Variants in UTY observed in about 807,000 individuals in gnomAD.
UTY encodes the protein ubiquitously transcribed tetratricopeptide repeat containing, Y-linked.
A neutral mutation model predicts 32.5 loss-of-function variants in UTY; 12 were observed. The observed-to-expected ratio is 0.37, with a 90% CI of 0.24 to 0.60. The LOEUF is 0.60. UTY is among the 20% of genes least tolerant of loss of function. The pLI is 0.69. For missense variants in UTY, 303 were observed against 299.2 expected, an observed-to-expected ratio of 1.01 and a Z score of -0.09; for synonymous variants, 131 against 103.4, an observed-to-expected ratio of 1.27 and a Z score of -1.62.
intron 8 of UTY, among the ~76,000 whole-genome samples, chrY:13,379,689 G>GT (rs2065795700): frequency 6.6e-5 from 2 of 30,256 alleles, no homozygotes; most frequent in Non-Finnish European, 1.6e-4. Flanking sequence ...AAATTTCTGA[G>GT]TTTTACCTCC....
intron 4 of UTY, among the ~76,000 whole-genome samples, chrY:13,445,244 AATATATATATATATATATATATAT>A (rs60043171): frequency 1.9e-4 from 1 of 5,240 alleles, no homozygotes; most frequent in East Asian, 5.6e-3. Flanking sequence ...TTTTTAAAAT[AATATATATATATATATATATATAT>A]ATATATATAT....
intron 8 of UTY, among the ~76,000 whole-genome samples, chrY:13,390,657 C>A: frequency 3.0e-5 from 1 of 33,117 alleles, no homozygotes; most frequent in Non-Finnish European, 7.5e-5. Context: ...ACTTTTATCT[C>A]GTTAGTATTT....
chrY:13,325,421 T>G (rs909993229), intron 19 of UTY, among the ~76,000 whole-genome samples: 2 of 33,411 alleles, frequency 6.0e-5, no homozygotes, highest in Admixed American at 5.6e-4. Context: ...ATTCTTTAAC[T>G]TGTGAAGGAG....
chrY:13,348,361 A>C, intron 17 of UTY, among the ~76,000 whole-genome samples: 1 of 34,284 alleles, frequency 2.9e-5, no homozygotes, highest in Non-Finnish European at 7.3e-5. Context: ...CTTTGTATCT[A>C]TGGGTTCCCA....
chrY:13,273,329 T>A (rs1603286273), intron 27 of UTY, among the ~76,000 whole-genome samples: 1 of 34,210 alleles, frequency 2.9e-5, no homozygotes, highest in East Asian at 7.4e-4. Context: ...TCTTATTTAT[T>A]ATTGTAGCAG....
downstream of UTY, among the ~76,000 whole-genome samples, chrY:13,246,112 T>C: frequency 3.1e-5 from 1 of 32,442 alleles, no homozygotes; most frequent in African/African-American, 1.2e-4. Flanking sequence ...TGCGCCACCA[T>C]GCCTGGCTAA....
intron 21 of UTY, among the ~76,000 whole-genome samples, chrY:13,315,171 T>C (rs1603380010): frequency 1.2e-4 from 4 of 34,096 alleles, no homozygotes; most frequent in East Asian, 1.5e-3. Flanking sequence ...ATGGAGTTAC[T>C]ATTCAGTCAT....
chrY:13,416,769 T>C (rs2071722128), intron 4 of UTY, among the ~76,000 whole-genome samples: 1 of 34,026 alleles, frequency 2.9e-5, no homozygotes, highest in Non-Finnish European at 7.3e-5. Context: ...CCTGCTCACA[T>C]GGTTGAATTA....
At chrY:13,243,140 AAGG>A (rs2053920991) in intron 28 of UTY, among the ~76,000 whole-genome samples, 25 of 31,654 alleles carry the variant, frequency 7.9e-4, no homozygotes, top group Non-Finnish European at 3.1e-4. Context: ...GAAGCAGAGG[AAGG>A]AGAACTGCTT....
intron 4 of UTY, among the ~76,000 whole-genome samples, chrY:13,430,922 G>A: frequency 3.0e-5 from 1 of 33,113 alleles, no homozygotes; most frequent in African/African-American, 1.2e-4. Context: ...TGCTCCAACC[G>A]GGTTGACAGA....
chrY:13,382,899 AAAC>A (rs2066291391), intron 8 of UTY, among the ~76,000 whole-genome samples: 1 of 34,032 alleles, frequency 2.9e-5, no homozygotes, highest in Non-Finnish European at 7.3e-5. Context: ...CAAGAAAATA[AAAC>A]AACATTTTGA....
intron 28 of UTY, among the ~76,000 whole-genome samples, chrY:13,238,465 T>G (rs2053871232): frequency 3.0e-5 from 1 of 33,205 alleles, no homozygotes; most frequent in Non-Finnish European, 7.4e-5. Context: ...CCCAAGAACC[T>G]ACCTACATGC....
At chrY:13,353,812 C>A in intron 17 of UTY, among the ~76,000 whole-genome samples, 1 of 33,831 alleles carries the variant, frequency 3.0e-5, no homozygotes, top group Non-Finnish European at 7.3e-5. Context: ...GACAGTTTGA[C>A]AGGTGGAGCC....
intron 4 of UTY, among the ~76,000 whole-genome samples, chrY:13,426,620 A>G (rs2073315775): frequency 3.0e-5 from 1 of 33,587 alleles, no homozygotes; most frequent in African/African-American, 1.2e-4. Context: ...GAGCCCCAAT[A>G]TAACTTTAAG....
At position 13,405,354 on chromosome Y, in the gene UTY, T is replaced by C. The variant is rs756982829; in HGVS notation, c.555+5639A>G. 9.1e-5 allele frequency among the ~76,000 whole-genome samples: 3 copies of C among 32,832 alleles called. No individual in the cohort carries two copies. The South Asian group carries it at 2.0e-3, about 22-fold the overall frequency. The allele number at this position is 32,832 out of a possible 37,273, so 88.1% of individuals were successfully genotyped here. On this transcript the variant is annotated intron_variant, in intron 6 of 29. Coordinates refer to ENST00000545955, the MANE Select transcript of UTY (RefSeq NM_001258249.2). ...GCATGATCTCACTTATTTTAGAACA[T>C]TGTTAAAAAACTTGATCTCATAGAA...
intron 21 of UTY, among the ~76,000 whole-genome samples, chrY:13,310,198 A>G (rs2058945898): frequency 4.3e-5 from 1 of 23,260 alleles, no homozygotes; most frequent in Non-Finnish European, 1.0e-4. Context: ...CTTGGGTGAC[A>G]GAGTGAGACT....
At chrY:13,287,075 G>A in intron 27 of UTY, 1 of 351,693 alleles carries the variant, frequency 2.8e-6, no homozygotes, top group South Asian at 3.1e-5. Context: ...TAGATGAAGA[G>A]CAAGGCCCTC....
At chrY:13,456,723 T>C in intron 3 of UTY, among the ~76,000 whole-genome samples, 1 of 33,845 alleles carries the variant, frequency 3.0e-5, no homozygotes, top group Non-Finnish European at 7.3e-5. Context: ...AAAAATGGCA[T>C]CTATGTCCCA....
At chrY:13,435,970 G>A in intron 4 of UTY, among the ~76,000 whole-genome samples, 1 of 32,958 alleles carries the variant, frequency 3.0e-5, no homozygotes, top group African/African-American at 1.2e-4. Context: ...GGCGGGTGGG[G>A]CACTGATCAC....
Sources: allele counts gnomAD v4.1 joint callset (sites outside exome capture counted in the v4.1 genomes callset), GRCh38; gene constraint gnomAD v4.1.1; transcripts MANE v1.5; gene names NCBI Gene and HGNC (gene_info 2026-07-23, HGNC 2026-07-21).